Variants in PTPRG observed in about 807,000 individuals in gnomAD.
PTPRG encodes protein tyrosine phosphatase receptor type G, also known as receptor-type tyrosine-protein phosphatase gamma.
Under a neutral mutation model 165.3 loss-of-function variants are expected in PTPRG, and 102 were observed. The ratio of observed to expected loss-of-function variants is 0.62; its 90% CI spans 0.53 to 0.73. The LOEUF is 0.73. Ranked by LOEUF, PTPRG falls within the 30% of genes least tolerant of loss-of-function variation. PTPRG has a pLI of 0.00. For synonymous variants in PTPRG, 675 were observed against 669.5 expected, an observed-to-expected ratio of 1.01 and a Z score of -0.13; for missense variants, 1,866 against 1,861.4, an observed-to-expected ratio of 1.00 and a Z score of -0.05.
intron 1 of PTPRG, among the ~76,000 whole-genome samples, chr3:61,567,949 T>C (rs1364572343): frequency 8.4e-6 from 1 of 119,320 alleles, no homozygotes; most frequent in Non-Finnish European, 1.6e-5. Flanking sequence ...CTGGGCGACA[T>C]AGTGAGACCC....
chr3:61,951,828 T>C (rs2039905644), intron 2 of PTPRG, among the ~76,000 whole-genome samples: 1 of 152,084 alleles, frequency 6.6e-6, no homozygotes, highest in Admixed American at 6.5e-5. Context: ...ATTTTAAAAA[T>C]GATAGAATCG....
rs1700404455 is a variant in PTPRG, at chr3:62,213,116, A to G, written c.2156-5735A>G. ...GGACCCTTCAGGAGGCAGCTAGGTT[A>G]CCAGCAAAGCTCCGAGTGAAAGTGT... is the stretch of plus-strand genomic sequence containing the variant. On this transcript the variant is annotated intron_variant, in intron 12 of 29. Transcript: ENST00000474889. The surrounding 1 kb of genome is among the most constrained non-coding windows in gnomAD (Gnocchi z 4.4). 6.6e-6 allele frequency among the ~76,000 whole-genome samples: 1 copy of G among 152,184 alleles called. No homozygotes were observed. Among genetic ancestry groups the G allele is most frequent in the Admixed American group, 6.5e-5 (1 of 15,282 alleles).
In PTPRG at chr3:61,776,897, C is replaced by T. The variant is rs569457375; in HGVS notation, c.190+27915C>T. Among the ~76,000 whole-genome samples, 13 of 152,074 alleles carry T rather than the reference C, an allele frequency of 8.5e-5. No individual in the cohort carries two copies. The East Asian group carries it at 9.7e-4, about 11-fold the overall frequency. The stretch of plus-strand genomic sequence containing the variant: ...CCCTTAATTTGAATTAATTATTGCA[C>T]GCCTGTATAACTTTACTTACTATTT... On this transcript the variant is annotated intron_variant, in intron 2 of 29. Coordinates refer to ENST00000474889, the MANE Select transcript of PTPRG (RefSeq NM_002841.4).
intron 1 of PTPRG, among the ~76,000 whole-genome samples, chr3:61,584,824 C>T (rs1700394358): frequency 6.6e-6 from 1 of 152,124 alleles, no homozygotes; most frequent in East Asian, 1.9e-4. Context: ...TGCCCCAGAC[C>T]AATGGAATCA....
At chr3:61,990,842 A>G (rs2040868750) in intron 3 of PTPRG, among the ~76,000 whole-genome samples, 1 of 152,016 alleles carries the variant, frequency 6.6e-6, no homozygotes, top group African/African-American at 2.4e-5. Flanking sequence ...ATGCTGGGCT[A>G]AAATGACTTA....
At chr3:61,970,795 C>G (rs962671803) in intron 2 of PTPRG, among the ~76,000 whole-genome samples, 1 of 150,232 alleles carries the variant, frequency 6.7e-6, no homozygotes, top group Non-Finnish European at 1.5e-5. Context: ...AAAGAATCAC[C>G]CAATAAAGGA....
At chr3:61,840,778 GTTTGT>G (rs1431988725) in intron 2 of PTPRG, among the ~76,000 whole-genome samples, 1 of 106,190 alleles carries the variant, frequency 9.4e-6, no homozygotes, top group Non-Finnish European at 1.8e-5. Flanking sequence ...TTTTTTGTTT[GTTTGT>G]TTTTTTTTTT....
At chr3:61,678,658 G>C (rs548266362) in intron 1 of PTPRG, among the ~76,000 whole-genome samples, 1 of 152,188 alleles carries the variant, frequency 6.6e-6, no homozygotes, top group East Asian at 1.9e-4. Context: ...GCTTCCAGGC[G>C]TCTCCGCTTG....
At chr3:61,704,815 G>A (rs1465206378) in intron 1 of PTPRG, among the ~76,000 whole-genome samples, 1 of 152,174 alleles carries the variant, frequency 6.6e-6, no homozygotes, top group African/African-American at 2.4e-5. Context: ...TACTTTCTGA[G>A]ATGAACTGCA....
In PTPRG at chr3:61,639,726, T is replaced by C. The variant is rs558690521; in HGVS notation, c.85+77354T>C. Among the ~76,000 whole-genome samples, 4 of 152,354 alleles carry C rather than the reference T, an allele frequency of 2.6e-5. No homozygotes were observed. In the South Asian group the frequency reaches 8.3e-4, roughly 32 times the overall value. On this transcript the variant is annotated intron_variant, in intron 1 of 29. Transcript: ENST00000474889. ...TGTCAGCTTGAACATTATTGGTCTA[T>C]AGAAATGCTACTGGTTTTTATACAT...
chr3:61,587,818 A>G (rs531008753), intron 1 of PTPRG, among the ~76,000 whole-genome samples: 35 of 152,102 alleles, frequency 2.3e-4, no homozygotes, highest in African/African-American at 8.4e-4. Flanking sequence ...CACCATGTCC[A>G]GCTAGTTTTT....
chr3:61,688,787 T>A (rs972489122), intron 1 of PTPRG, among the ~76,000 whole-genome samples: 6 of 152,260 alleles, frequency 3.9e-5, no homozygotes, highest in Admixed American at 2.0e-4. Flanking sequence ...TGGTAAACAT[T>A]GCCATATCCC....
intron 9 of PTPRG, 59 bp downstream of exon 9, chr3:62,191,712 C>G: frequency 6.6e-7 from 1 of 1,513,960 alleles, no homozygotes; most frequent in Admixed American, 1.7e-5. Flanking sequence ...CCTGCTGCAG[C>G]TCTCTGCCAG....
At chr3:61,593,769 C>G (rs1273432426) in intron 1 of PTPRG, among the ~76,000 whole-genome samples, 1 of 150,952 alleles carries the variant, frequency 6.6e-6, no homozygotes, top group Non-Finnish European at 1.5e-5. Flanking sequence ...TGTAGCTGTT[C>G]TCAGTTCTTT....
At chr3:61,941,305 C>T (rs968994739) in intron 2 of PTPRG, among the ~76,000 whole-genome samples, 2 of 152,216 alleles carry the variant, frequency 1.3e-5, no homozygotes, top group Non-Finnish European at 2.9e-5. Flanking sequence ...GGGATAATCT[C>T]AGAGAGTCAG....
At chr3:61,789,327 C>G (rs2034804096) in intron 2 of PTPRG, among the ~76,000 whole-genome samples, 1 of 152,140 alleles carries the variant, frequency 6.6e-6, no homozygotes, top group African/African-American at 2.4e-5. Context: ...GTCTCAGACT[C>G]TTGGTCCTGA....
At chr3:62,090,017 A>G (rs771983914) in intron 5 of PTPRG, among the ~76,000 whole-genome samples, 5 of 152,226 alleles carry the variant, frequency 3.3e-5, no homozygotes, top group Non-Finnish European at 7.3e-5. Context: ...TTCATTTAAT[A>G]TAGCCCTTTG....
chr3:61,915,001 C>T (rs908714701), intron 2 of PTPRG, among the ~76,000 whole-genome samples: 11 of 152,186 alleles, frequency 7.2e-5, no homozygotes, highest in African/African-American at 7.2e-5. Flanking sequence ...GAGGCCAAGG[C>T]GGGCGGATCA....
intron 5 of PTPRG, among the ~76,000 whole-genome samples, chr3:62,085,162 A>G (rs1701707003): frequency 6.6e-6 from 1 of 152,226 alleles, no homozygotes; most frequent in Non-Finnish European, 1.5e-5. Context: ...GGAAATATAT[A>G]CTAAGTAAAA....
Sources: gnomAD v4.1 joint callset for allele counts (sites outside exome capture counted in the v4.1 genomes callset) on GRCh38, gnomAD v4.1.1 for gene constraint, Gnocchi (gnomAD v3.1) non-coding constraint, MANE v1.5 for transcripts, NCBI Gene and HGNC (gene_info 2026-07-23, HGNC 2026-07-21) for gene names.